Variants in CADM2 observed in about 807,000 individuals in gnomAD.
CADM2 encodes the protein immunoglobulin superfamily member 4D.
CADM2 carries 12 observed loss-of-function variants against 49.8 expected under a neutral mutation model. The ratio of observed to expected loss-of-function variants is 0.24; its 90% CI spans 0.15 to 0.39. CADM2 has a LOEUF of 0.39. Ranked by LOEUF, CADM2 falls within the 10% of genes least tolerant of loss-of-function variation. The probability of loss-of-function intolerance (pLI) is 1.00; values close to 1 mark genes in which losing one functional copy is unlikely to be tolerated. For missense variants in CADM2, 378 were observed against 492.3 expected (o/e 0.77, Z 2.20); for synonymous variants, 214 against 175.4 (o/e 1.22, Z -1.74).
intron 8 of CADM2, among the ~76,000 whole-genome samples, chr3:85,995,311 T>G (rs1729248093): frequency 6.6e-6 from 1 of 152,258 alleles, no homozygotes; most frequent in African/African-American, 2.4e-5. Context: ...TGGTATTGAT[T>G]TACAATTAAA....
chr3:85,566,170 T>A (rs1430772862), intron 1 of CADM2, among the ~76,000 whole-genome samples: 1 of 152,176 alleles, frequency 6.6e-6, no homozygotes, highest in African/African-American at 2.4e-5. Context: ...CCTTAAGTTT[T>A]TGAGTAATCA....
At chr3:85,632,075 T>C (rs1412433095) in intron 1 of CADM2, among the ~76,000 whole-genome samples, 10 of 152,158 alleles carry the variant, frequency 6.6e-5, no homozygotes, top group African/African-American at 1.9e-4. Context: ...TCTCATCTTG[T>C]AGCTCCCATG....
chr3:85,319,983 T>C lies in CADM2; in HGVS notation c.61+360315T>C, dbSNP rs115434323. Among the ~76,000 whole-genome samples the C allele has an allele frequency of 2.6e-3, 392 of 152,264 alleles. 1 individual carries two copies. Among genetic ancestry groups the C allele is most frequent in the African/African-American group, 9.1e-3 (379 of 41,558 alleles). On this transcript the variant is annotated intron_variant, in intron 1 of 9. Coordinates refer to ENST00000383699, the MANE Select transcript of CADM2 (RefSeq NM_001167675.2). ...TCCCCTAAAGTAGGTATCATTAAAATCCCTCCTTTACAGATAGGAGCCAAA... is the reference window on the plus strand; with the variant it reads ...TCCCCTAAAGTAGGTATCATTAAAACCCCTCCTTTACAGATAGGAGCCAAA...
At chr3:85,914,013 G>T (rs1185772706) in intron 6 of CADM2, among the ~76,000 whole-genome samples, 1 of 152,052 alleles carries the variant, frequency 6.6e-6, no homozygotes, top group African/African-American at 2.4e-5. Context: ...TTGGAGAATT[G>T]CCAGGTGAAC....
rs2061381127 is a variant in CADM2 at position 85,534,317 on chromosome 3, G to A, written c.62-192205G>A. Reference sequence around the variant, plus strand: ...TGACCAGATGTAGCTATTTAAATCAGAATGTAACTTAGTTAAAATAAAACA... The same window carrying A: ...TGACCAGATGTAGCTATTTAAATCAAAATGTAACTTAGTTAAAATAAAACA... On this transcript the variant is annotated intron_variant, in intron 1 of 9. Coordinates refer to ENST00000383699, the MANE Select transcript of CADM2 (RefSeq NM_001167675.2). Among the ~76,000 whole-genome samples the A allele has an allele frequency of 2.0e-5, 3 of 152,194 alleles. No homozygotes were observed. The South Asian group carries it at 6.2e-4, about 32-fold the overall frequency.
chr3:85,501,063 A>G (rs946109638), intron 1 of CADM2, among the ~76,000 whole-genome samples: 2 of 152,214 alleles, frequency 1.3e-5, no homozygotes, highest in African/African-American at 4.8e-5. Flanking sequence ...TAAAATATAA[A>G]CGAATGTCAC....
At chr3:85,830,797 T>TTTTATTTATTTATTTA (rs78682464) in intron 3 of CADM2, among the ~76,000 whole-genome samples, 15 of 142,140 alleles carry the variant, frequency 1.1e-4, no homozygotes, top group East Asian at 2.1e-4. Context: ...TCTTTGTGCA[T>TTTTATTTATTTATTTA]TTTATTTATT....
chr3:85,665,831 C>G (rs910278038), intron 1 of CADM2, among the ~76,000 whole-genome samples: 1 of 151,914 alleles, frequency 6.6e-6, no homozygotes, highest in African/African-American at 2.4e-5. Context: ...TCATCCCAAT[C>G]TTTTCAAATA....
chr3:85,492,144 T>C (rs1471691124), intron 1 of CADM2, among the ~76,000 whole-genome samples: 1 of 152,148 alleles, frequency 6.6e-6, no homozygotes, highest in African/African-American at 2.4e-5. Flanking sequence ...GAAAAGACTA[T>C]GTGCTCCAAC....
intron 1 of CADM2, among the ~76,000 whole-genome samples, chr3:85,381,141 C>CAT (rs2107354431): frequency 6.6e-6 from 1 of 151,986 alleles, no homozygotes; most frequent in South Asian, 2.1e-4. Flanking sequence ...GTGTGTATTG[C>CAT]ATATATAGAG....
chr3:85,050,998 G>T (rs1436512403), intron 1 of CADM2, among the ~76,000 whole-genome samples: 1 of 152,150 alleles, frequency 6.6e-6, no homozygotes, highest in Non-Finnish European at 1.5e-5. Context: ...AAGCCTGCCA[G>T]CCTGCTTCAT....
intron 1 of CADM2, among the ~76,000 whole-genome samples, chr3:85,502,145 T>C (rs1408953240): frequency 6.6e-6 from 1 of 152,048 alleles, no homozygotes. Context: ...AGTAATTGAG[T>C]AGATGAATTG....
In CADM2 at chr3:85,637,868, T is replaced by A. The variant is rs534950770; in HGVS notation, c.62-88654T>A. On this transcript the variant is annotated intron_variant, in intron 1 of 9. Coordinates refer to ENST00000383699, the MANE Select transcript of CADM2 (RefSeq NM_001167675.2). ...GGAAGACAAATTTATCACAAAAATTTAGGTGAAAACATGGCCAGATCAAAG... is the reference window on the plus strand; with the variant it reads ...GGAAGACAAATTTATCACAAAAATTAAGGTGAAAACATGGCCAGATCAAAG... 2.6e-5 allele frequency among the ~76,000 whole-genome samples: 4 copies of A among 152,194 alleles called. No homozygotes were observed. In the South Asian group the frequency reaches 8.3e-4, roughly 32 times the overall value.
chr3:85,598,619 C>G (rs1392017201), intron 1 of CADM2, among the ~76,000 whole-genome samples: 2 of 151,626 alleles, frequency 1.3e-5, no homozygotes, highest in African/African-American at 4.8e-5. Flanking sequence ...AGCTAGTACT[C>G]AATATTGTGT....
In CADM2 at chr3:86,031,549, C is replaced by G. The variant is rs568783914; in HGVS notation, c.971-34056C>G. Among the ~76,000 whole-genome samples, 60 of 151,810 alleles carry G rather than the reference C, an allele frequency of 4.0e-4. No homozygotes were observed. In the South Asian group the frequency reaches 0.012, roughly 31 times the overall value. ...CTTTTACATTAAAATTAAAGATGAA[C>G]AAATTGAATGTATAATGTCAGTTAA... is the stretch of plus-strand genomic sequence containing the variant. On this transcript the variant is annotated intron_variant, in intron 8 of 9. Coordinates refer to ENST00000383699, the MANE Select transcript of CADM2 (RefSeq NM_001167675.2).
chr3:85,457,982 G>A (rs571511469), intron 1 of CADM2, among the ~76,000 whole-genome samples: 57 of 104,266 alleles, frequency 5.5e-4, no homozygotes, highest in African/African-American at 1.3e-3. Context: ...AAGTTACTCA[G>A]GAATACTTTT....
At chr3:85,842,996 A>T (rs1401012931) in intron 3 of CADM2, among the ~76,000 whole-genome samples, 1 of 152,132 alleles carries the variant, frequency 6.6e-6, no homozygotes, top group Non-Finnish European at 1.5e-5. Flanking sequence ...AAACATAAAT[A>T]AATAATTGTA....
intron 8 of CADM2, among the ~76,000 whole-genome samples, chr3:85,974,738 C>G (rs557221859): frequency 6.6e-6 from 1 of 151,750 alleles, no homozygotes; most frequent in South Asian, 2.1e-4. Flanking sequence ...GGCAACCCAG[C>G]GTTCACTCAC....
chr3:85,267,452 A>G (rs918969607), intron 1 of CADM2, among the ~76,000 whole-genome samples: 2 of 151,726 alleles, frequency 1.3e-5, no homozygotes, highest in African/African-American at 4.8e-5. Flanking sequence ...ATAGTTACTC[A>G]AATGTCATCC....
Sources: gnomAD v4.1 joint callset for allele counts (sites outside exome capture counted in the v4.1 genomes callset) on GRCh38, gnomAD v4.1.1 for gene constraint, MANE v1.5 for transcripts, NCBI Gene and HGNC (gene_info 2026-07-23, HGNC 2026-07-21) for gene names.